The following DYNC2H1 variants were observed in gnomAD, a reference collection of about 807,000 sequenced individuals.
DYNC2H1 encodes cytoplasmic dynein 2 heavy chain 1.
DYNC2H1 carries 410 observed loss-of-function variants against 570.0 expected under a neutral mutation model. The observed-to-expected ratio is 0.72, with a 90% CI of 0.66 to 0.78. The LOEUF (loss-of-function observed/expected upper bound fraction) is 0.78, where lower values mean the gene tolerates loss of function less well. Among genes scored for constraint, DYNC2H1 ranks in the 30% least tolerant of loss-of-function variants. The pLI is 0.00. For synonymous variants in DYNC2H1, 1,688 were observed against 1,677.6 expected, an observed-to-expected ratio of 1.01 and a Z score of -0.15; for missense variants, 4,865 against 5,046.4, an observed-to-expected ratio of 0.96 and a Z score of 1.09.
chr11:103,214,446 C>CTTTTTTT (rs200386358), intron 54 of DYNC2H1, among the ~76,000 whole-genome samples: 23 of 127,420 alleles, frequency 1.8e-4, no homozygotes, highest in South Asian at 2.5e-4. Context: ...ACTTCTTCTT[C>CTTTTTTT]TTTTTTTTTT....
In DYNC2H1 at chr11:103,200,114, T is replaced by C; in HGVS notation, c.8157T>C (p.His2719=). The change falls in exon 50 of 89, where the codon CAT becomes CAC. Residue 2719 remains histidine, a synonymous_variant. Transcript: ENST00000375735. ...VLLLEDYQFV[H]PTFLEMINSL... ...TTCTTGAGGATTACCAGTTTGTACATCCTACATTTTTGGAGATGATCAATA... is the reference window on the plus strand; with the variant it reads ...TTCTTGAGGATTACCAGTTTGTACACCCTACATTTTTGGAGATGATCAATA... The C allele has an allele frequency of 6.3e-7, 1 of 1,586,434 alleles. No individual in the cohort carries two copies. Among genetic ancestry groups the C allele is most frequent in the African/African-American group, 1.3e-5 (1 of 74,432 alleles).
At chr11:103,122,709 T>G in intron 10 of DYNC2H1, 116 bp from the exon 11 acceptor site, 1 of 897,380 alleles carries the variant, frequency 1.1e-6, no homozygotes, top group South Asian at 2.0e-5. Context: ...TTTCACTGTT[T>G]ATAGATGAAA....
At chr11:103,403,985 C>T (rs564768710) in intron 84 of DYNC2H1, 5 of 151,896 alleles carry the variant, frequency 3.3e-5, no homozygotes, top group African/African-American at 1.2e-4. Context: ...CAGACAGTCT[C>T]GATTTCTTGG....
At chr11:103,179,377 T>A in intron 39 of DYNC2H1, 144 bp downstream of exon 39, 1 of 690,680 alleles carries the variant, frequency 1.4e-6, no homozygotes, top group Non-Finnish European at 2.2e-6. Flanking sequence ...AGGTTTTAAT[T>A]AATTCAGAGA....
chr11:103,109,595 C>T lies in DYNC2H1; in HGVS notation c.21C>T (p.Asp7=), dbSNP rs17301028. The T allele has an allele frequency of 0.087, 140,351 of 1,613,576 alleles. 7,044 individuals are homozygous for T. Among genetic ancestry groups the T allele is most frequent in the Middle Eastern group, 0.13 (766 of 6,060 alleles). The change falls in exon 1 of 89, where the codon GAC becomes GAT. Residue 7 remains aspartate (D), a synonymous_variant. Coordinates refer to ENST00000375735, the MANE Select transcript of DYNC2H1 (RefSeq NM_001377.3). ...CAATCATGGCGAACGGGACTGCGGA[C>T]GTTCGGAAGCTCTTCATCTTCACTA... MANGTA[D]VRKLFIFTTT...
chr11:103,141,614 C>T (rs746401353), intron 17 of DYNC2H1, among the ~76,000 whole-genome samples: 18 of 152,214 alleles, frequency 1.2e-4, no homozygotes, highest in Non-Finnish European at 2.4e-4. Flanking sequence ...TCTGCCCCTA[C>T]TGGGGGGTGC....
Position 103,355,238 on chromosome 11 carries a change from T to G in DYNC2H1, c.12040-3005T>G, listed in dbSNP as rs370195562. Among the ~76,000 whole-genome samples, 286 of 152,234 alleles carry G rather than the reference T, an allele frequency of 1.9e-3. 4 individuals are homozygous for G. The highest frequency in any genetic ancestry group is 6.2e-3 in the African/African-American group (258 of 41,566). The stretch of plus-strand genomic sequence containing the variant: ...TTCTCCAGAAATCTAGTCTGCCATA[T>G]TCCCTGTAACAAAAATGTAAATTAT... On this transcript the variant is annotated intron_variant, in intron 82 of 88. Coordinates refer to ENST00000375735, the MANE Select transcript of DYNC2H1 (RefSeq NM_001377.3).
At chr11:103,174,692 G>A (rs1325286731) in intron 36 of DYNC2H1, among the ~76,000 whole-genome samples, 1 of 152,100 alleles carries the variant, frequency 6.6e-6, no homozygotes. Context: ...ATAAATGTTT[G>A]GAAAGAATAC....
At position 103,179,111 on chromosome 11, in the gene DYNC2H1, G is replaced by A. The variant is rs1197668838; in HGVS notation, c.6225G>A (p.Leu2075=). 6.2e-7 allele frequency: 1 copy of A among 1,613,086 alleles called. No homozygotes were observed. Residue 2075 remains leucine (L), a synonymous_variant, in exon 39 of 89, where the codon CTG becomes CTA. Coordinates refer to ENST00000375735, the MANE Select transcript of DYNC2H1 (RefSeq NM_001377.3). ...ATTCTGTTCTGGATGATAATCGACT[G>A]CTGACTATGCCCAGTGGAGAAAGGA... is the stretch of plus-strand genomic sequence containing the variant. ...SLNSVLDDNR[L]LTMPSGERIQ...
At chr11:103,437,244 T>C (rs549854723) in intron 85 of DYNC2H1, among the ~76,000 whole-genome samples, 62 of 151,962 alleles carry the variant, frequency 4.1e-4, no homozygotes, top group Middle Eastern at 6.8e-3. Context: ...TGAAGCCATC[T>C]TCGTCATCTT....
intron 82 of DYNC2H1, among the ~76,000 whole-genome samples, chr11:103,337,204 A>T (rs1565506279): frequency 1.3e-5 from 2 of 152,174 alleles, no homozygotes; most frequent in Non-Finnish European, 2.9e-5. Flanking sequence ...TTCCCCTAAG[A>T]ATACTTTTAG....
intron 83 of DYNC2H1, 45 bp downstream of exon 83, chr11:103,358,404 C>T (rs1298137254): frequency 1.6e-6 from 2 of 1,287,608 alleles, no homozygotes; most frequent in Non-Finnish European, 2.2e-6. Context: ...TTTTCTCCCG[C>T]ATCGTAACCA....
intron 84 of DYNC2H1, among the ~76,000 whole-genome samples, chr11:103,410,780 A>G (rs1482801959): frequency 2.6e-5 from 4 of 151,894 alleles, no homozygotes; most frequent in African/African-American, 4.8e-5. Flanking sequence ...GCTGAGTTCT[A>G]TTAGCTTGGG....
At position 103,324,414 on chromosome 11, in the gene DYNC2H1, A is replaced by G. The variant is rs1340261193; in HGVS notation, c.12039+424A>G. Among the ~76,000 whole-genome samples the G allele has an allele frequency of 1.3e-5, 2 of 152,038 alleles. No homozygotes were observed. Among genetic ancestry groups the G allele is most frequent in the African/African-American group, 4.8e-5 (2 of 41,368 alleles). ...TGTTTAGATCTCACCTATAAGTGAG[A>G]ACGTGGTATTTGGTTATCTGTTCCT... On this transcript the variant is annotated intron_variant, in intron 82 of 88. Coordinates refer to ENST00000375735, the MANE Select transcript of DYNC2H1 (RefSeq NM_001377.3). This position sits in a 1 kb window ranked among gnomAD's most constrained non-coding sequence, Gnocchi z 5.2.
intron 32 of DYNC2H1, 110 bp downstream of exon 32, chr11:103,169,070 ATT>A: frequency 1.0e-6 from 1 of 990,422 alleles, no homozygotes; most frequent in Non-Finnish European, 1.4e-6. Context: ...TTTCCATAAT[ATT>A]TTTAGTATTA....
chr11:103,153,586 CTGTT>C, intron 22 of DYNC2H1, 78 bp downstream of exon 22: 1 of 1,252,210 alleles, frequency 8.0e-7, no homozygotes, highest in Non-Finnish European at 1.1e-6. Context: ...TTTCTTATGT[CTGTT>C]ATCTTGATAA....
chr11:103,184,015 A>G (rs1861963469), intron 40 of DYNC2H1, among the ~76,000 whole-genome samples: 1 of 151,970 alleles, frequency 6.6e-6, no homozygotes, highest in Non-Finnish European at 1.5e-5. Flanking sequence ...CTTAGGCATA[A>G]CTTCTTTTAA....
intron 1 of DYNC2H1, among the ~76,000 whole-genome samples, chr11:103,111,169 C>T (rs1333673819): frequency 6.6e-6 from 1 of 152,226 alleles, no homozygotes; most frequent in Non-Finnish European, 1.5e-5. Context: ...ACCCTATTCA[C>T]TATCTTTATT....
At position 103,204,194 on chromosome 11, in the gene DYNC2H1, A is replaced by T. The variant is rs11225603; in HGVS notation, c.8311+418A>T. ...AGCCATTCACTATCATGAGAATAGC[A>T]TGGGAAATACCTGCCCCGCTCCATG... On this transcript the variant is annotated intron_variant, in intron 51 of 88. Transcript: ENST00000375735. The surrounding 1 kb of genome is among the most constrained non-coding windows in gnomAD (Gnocchi z 4.1). Among the ~76,000 whole-genome samples the T allele has an allele frequency of 0.11, 16,426 of 152,098 alleles. 1,037 individuals are homozygous for T. Among genetic ancestry groups the T allele is most frequent in the East Asian group, 0.22 (1,113 of 5,148 alleles).
Sources: gnomAD v4.1 joint callset for allele counts (sites outside exome capture counted in the v4.1 genomes callset) on GRCh38, gnomAD v4.1.1 for gene constraint, Gnocchi (gnomAD v3.1) non-coding constraint, MANE v1.5 for transcripts, NCBI Gene and HGNC (gene_info 2026-07-23, HGNC 2026-07-21) for gene names.